RSF1: variants seen among roughly 807,000 people sequenced by gnomAD.
The protein encoded by RSF1 is remodeling and spacing factor 1.
In RSF1, 13 loss-of-function variants were observed where a neutral mutation model predicts 145.2. That is an observed-to-expected ratio of 0.09 (90% CI 0.06 to 0.14). The LOEUF (loss-of-function observed/expected upper bound fraction) is 0.14, where lower values mean the gene tolerates loss of function less well. Among genes scored for constraint, RSF1 ranks in the 10% least tolerant of loss-of-function variants. The probability of loss-of-function intolerance (pLI) is 1.00; values close to 1 mark genes in which losing one functional copy is unlikely to be tolerated. For missense variants in RSF1, 1,517 were observed against 1,718.2 expected (o/e 0.88, Z 2.07); for synonymous variants, 577 against 592.6 (o/e 0.97, Z 0.38).
At position 77,700,760 on chromosome 11, in the gene RSF1, C is replaced by T. The variant is rs1960399925; in HGVS notation, c.2469G>A (p.Leu823=). Residue 823 remains leucine (L), a synonymous_variant, in exon 6 of 16, where the codon TTG becomes TTA. Coordinates refer to ENST00000308488, the MANE Select transcript of RSF1 (RefSeq NM_016578.4). ...AATTTGTATCTTTCTCTGATTTTTT[C>T]AAAATTTCCTTTTTGTCAGTTTTTT... ...ALQKTDKKEI[L]KKSEKDTNSK... The T allele has an allele frequency of 2.5e-6, 4 of 1,585,616 alleles. No homozygotes were observed. Among genetic ancestry groups the T allele is most frequent in the Non-Finnish European group, 3.4e-6 (4 of 1,173,810 alleles).
intron 3 of RSF1, among the ~76,000 whole-genome samples, chr11:77,743,682 T>C (rs1289650992): frequency 6.6e-6 from 1 of 152,242 alleles, no homozygotes; most frequent in African/African-American, 2.4e-5. Flanking sequence ...ATTTAACTTC[T>C]TCCTTTCCAA....
At chr11:77,790,265 A>AAAAAAC (rs1458201332) in intron 1 of RSF1, among the ~76,000 whole-genome samples, 1 of 152,160 alleles carries the variant, frequency 6.6e-6, no homozygotes, top group Non-Finnish European at 1.5e-5. Flanking sequence ...GTGGCAGGCA[A>AAAAAAC]AGAGAGCTTG....
chr11:77,739,249 T>G (rs1961446646), intron 4 of RSF1: 1 of 152,576 alleles, frequency 6.6e-6, no homozygotes, highest in South Asian at 2.1e-4. Context: ...CATTAGACAT[T>G]ATTTTAAACA....
At chr11:77,677,168 G>A (rs1463668167) in intron 12 of RSF1, 169 bp from the exon 13 acceptor site, 1 of 608,742 alleles carries the variant, frequency 1.6e-6, no homozygotes, top group Non-Finnish European at 2.9e-6. Flanking sequence ...AGGTCTCAGA[G>A]TTTTAGCATT....
intron 9 of RSF1, among the ~76,000 whole-genome samples, chr11:77,690,746 T>A (rs1960131851): frequency 6.6e-6 from 1 of 152,220 alleles, no homozygotes; most frequent in Admixed American, 6.5e-5. Context: ...AGATAGAAAG[T>A]TGGCAAACAT....
chr11:77,745,687 C>A (rs1947992404), intron 3 of RSF1, among the ~76,000 whole-genome samples: 1 of 151,092 alleles, frequency 6.6e-6, no homozygotes, highest in South Asian at 2.1e-4. Flanking sequence ...CTGGAGAATT[C>A]TCTTAATAAA....
chr11:77,768,147 C>A (rs1270529601), intron 1 of RSF1, among the ~76,000 whole-genome samples: 2 of 147,582 alleles, frequency 1.4e-5, no homozygotes, highest in African/African-American at 5.0e-5. Flanking sequence ...AAAATTATAT[C>A]AACATATTAT....
chr11:77,763,784 C>G (rs1948199128), intron 2 of RSF1: 1 of 152,004 alleles, frequency 6.6e-6, no homozygotes, highest in Non-Finnish European at 1.5e-5. Context: ...GAAGGTACTC[C>G]AGGCAGAAGA....
At chr11:77,869,312 CTTT>C in the RSF1 span, 46 of 126,948 alleles carry the variant, frequency 3.6e-4, no homozygotes, top group South Asian at 1.4e-3. Context: ...ATCTCTTTTT[CTTT>C]TTTTTTTTTT....
rs570719542 is a variant in RSF1, at chr11:77,661,008, C to A, written c.*5909G>T. 7 of 152,146 alleles carry A rather than the reference C, an allele frequency of 4.6e-5. No individual in the cohort carries two copies. The South Asian group carries it at 6.2e-4, about 14-fold the overall frequency. The allele number at this position is 152,146 out of a possible 1,614,324, so 9.4% of individuals were successfully genotyped here. A position where few individuals can be genotyped will look rare whatever the true frequency, so the allele number is the denominator to read the frequency against. On this transcript the variant is annotated 3_prime_UTR_variant, in exon 16 of 16. Transcript: ENST00000308488. Reference sequence around the variant, plus strand: ...AAAGACTGTGCTAGAATCAGAAGTTCTACAAGATTTCAAAATACTTAGTGA... The same window carrying A: ...AAAGACTGTGCTAGAATCAGAAGTTATACAAGATTTCAAAATACTTAGTGA...
At position 77,698,419 on chromosome 11, in the gene RSF1, T is replaced by A. The variant is rs878902604; in HGVS notation, c.2715+68A>T. On this transcript the variant is annotated intron_variant, in intron 7 of 15. Coordinates refer to ENST00000308488, the MANE Select transcript of RSF1 (RefSeq NM_016578.4). ...CAAATAATGATAAAACCCAGAAGAGTTAGGCTGCTCCAGGCAACCTCACCA... is the reference window on the plus strand; with the variant it reads ...CAAATAATGATAAAACCCAGAAGAGATAGGCTGCTCCAGGCAACCTCACCA... 1.2e-5 allele frequency: 15 copies of A among 1,277,928 alleles called. 1 individual carries two copies. In the South Asian group the frequency reaches 1.8e-4, roughly 15 times the overall value. The allele number at this position is 1,277,928 out of a possible 1,614,324, so 79.2% of individuals were successfully genotyped here. A position where few individuals can be genotyped will look rare whatever the true frequency, so the allele number is the denominator to read the frequency against.
chr11:77,868,382 A>T, the RSF1 span, among the ~76,000 whole-genome samples: 1 of 98,676 alleles, frequency 1.0e-5, no homozygotes, highest in African/African-American at 4.2e-5. Flanking sequence ...TTTTGAGATG[A>T]AGTCTTGGTC....
At chr11:77,727,450 A>G (rs1019259874) in intron 4 of RSF1, among the ~76,000 whole-genome samples, 1 of 150,356 alleles carries the variant, frequency 6.7e-6, no homozygotes, top group Non-Finnish European at 1.5e-5. Flanking sequence ...TGCTAGGAAA[A>G]TCTATTTCAA....
At chr11:77,788,344 T>C (rs560505197) in intron 1 of RSF1, among the ~76,000 whole-genome samples, 3 of 151,000 alleles carry the variant, frequency 2.0e-5, no homozygotes, top group African/African-American at 7.3e-5. Flanking sequence ...TATATGACTA[T>C]GACTATAATC....
chr11:77,781,331 T>G (rs1225441952), intron 1 of RSF1, among the ~76,000 whole-genome samples: 1 of 152,210 alleles, frequency 6.6e-6, no homozygotes, highest in Non-Finnish European at 1.5e-5. Flanking sequence ...ACTTCTGACC[T>G]CAAGTGTTCT....
chr11:77,709,531 C>G (rs777216061), intron 5 of RSF1, among the ~76,000 whole-genome samples: 1 of 152,072 alleles, frequency 6.6e-6, no homozygotes, highest in Non-Finnish European at 1.5e-5. Context: ...GCCAAAGAAA[C>G]TTTCACGATT....
At chr11:77,870,272 G>A in the RSF1 span, among the ~76,000 whole-genome samples, 4 of 148,830 alleles carry the variant, frequency 2.7e-5, no homozygotes, top group Non-Finnish European at 5.9e-5. Context: ...CTCCCGCCTC[G>A]GCCTCCCAAA....
chr11:77,842,502 T>G, the RSF1 span: 6 of 1,613,680 alleles, frequency 3.7e-6, no homozygotes, highest in African/African-American at 8.0e-5. Flanking sequence ...TCCTTATGAC[T>G]TCCCCTGAAA....
intron 1 of RSF1, among the ~76,000 whole-genome samples, chr11:77,765,980 TCAGG>T (rs1250974791): frequency 6.6e-6 from 1 of 152,126 alleles, no homozygotes; most frequent in African/African-American, 2.4e-5. Flanking sequence ...ACTCCTGATC[TCAGG>T]CGATCTGCCC....
Sources: gnomAD v4.1 joint callset for allele counts (sites outside exome capture counted in the v4.1 genomes callset) on GRCh38, gnomAD v4.1.1 for gene constraint, MANE v1.5 for transcripts, NCBI Gene and HGNC (gene_info 2026-07-23, HGNC 2026-07-21) for gene names.